Variants in SOAT1 observed in about 807,000 individuals in gnomAD.
SOAT1 encodes sterol O-acyltransferase 1.
A neutral mutation model predicts 69.5 loss-of-function variants in SOAT1; 55 were observed. The ratio of observed to expected loss-of-function variants is 0.79; its 90% CI spans 0.64 to 0.99. The LOEUF is 0.99. Ranked by LOEUF, SOAT1 falls within the 50% of genes least tolerant of loss-of-function variation. SOAT1 has a pLI of 0.00. For synonymous variants in SOAT1, 231 were observed against 224.7 expected, an observed-to-expected ratio of 1.03 and a Z score of -0.25; for missense variants, 580 against 669.3, an observed-to-expected ratio of 0.87 and a Z score of 1.47.
intron 12 of SOAT1, among the ~76,000 whole-genome samples, 165 bp downstream of exon 12, chr1:179,347,862 A>G (rs770347695): frequency 2.6e-5 from 4 of 152,218 alleles, no homozygotes; most frequent in Non-Finnish European, 4.4e-5. Context: ...GGTTACAGAT[A>G]TAACTAGCAT....
chr1:179,321,301 G>T (rs2484447), intron 2 of SOAT1, among the ~76,000 whole-genome samples: 149,705 of 152,194 alleles, frequency 0.98, 73,680 homozygotes, highest in Middle Eastern at 1. Context: ...CGTTGGCATA[G>T]ATCCTCTGAG....
chr1:179,338,502 C>T lies in SOAT1; in HGVS notation c.389+606C>T, dbSNP rs566978762. On this transcript the variant is annotated intron_variant, in intron 5 of 15. Transcript: ENST00000367619. The stretch of plus-strand genomic sequence containing the variant: ...TTTCTGTGAGTCAAGTTGATGTTTA[C>T]TACTTCCCCTAGATAAGAAGGCCGG... 2.6e-5 allele frequency among the ~76,000 whole-genome samples: 4 copies of T among 152,278 alleles called. No individual in the cohort carries two copies. In the South Asian group the frequency reaches 8.3e-4, roughly 32 times the overall value.
rs1666358907 is a variant in SOAT1, at chr1:179,342,127, T to C, written c.794T>C (p.Met265Thr). The C allele has an allele frequency of 3.1e-6, 5 of 1,613,746 alleles. No individual in the cohort carries two copies. The highest frequency in any genetic ancestry group is 1.7e-5 in the Admixed American group (1 of 59,990). The change falls in exon 8 of 16, where the codon ATG (methionine) becomes ACG (threonine). Residue 265 changes from methionine (M) to threonine (T), a missense_variant. Coordinates refer to ENST00000367619, the MANE Select transcript of SOAT1 (RefSeq NM_003101.6). ...CTGCTTTTGTAGATTCGTTTTGTAA[T>C]GAAGGCCCACTCATTTGTCAGAGAG... is the stretch of plus-strand genomic sequence containing the variant. ...IIIFEQIRFV[M>T]KAHSFVRENV...
chr1:179,338,391 C>G (rs1666228541), intron 5 of SOAT1, among the ~76,000 whole-genome samples: 2 of 152,214 alleles, frequency 1.3e-5, no homozygotes, highest in South Asian at 4.1e-4. Context: ...CCCAGCAACT[C>G]CAGCCTGGGT....
In SOAT1 at chr1:179,355,031, C is replaced by G. The variant is rs1421460213; in HGVS notation, c.*1390C>G. On this transcript the variant is annotated 3_prime_UTR_variant, in exon 16 of 16. Coordinates refer to ENST00000367619, the MANE Select transcript of SOAT1 (RefSeq NM_003101.6). ...AAGTAGAGTTTCTTAATAGTCACAA[C>G]TTAATTTGAACCACAAGTATCCAGC... The G allele has an allele frequency of 2.0e-5, 3 of 152,170 alleles. No homozygotes were observed. Among genetic ancestry groups the G allele is most frequent in the African/African-American group, 7.2e-5 (3 of 41,438 alleles). 9.4% of individuals were successfully genotyped at this position (152,170 alleles called of 1,614,324 possible). A position where few individuals can be genotyped will look rare whatever the true frequency, so the allele number is the denominator to read the frequency against.
chr1:179,299,156 G>A (rs994347881), intron 1 of SOAT1, among the ~76,000 whole-genome samples: 7 of 152,174 alleles, frequency 4.6e-5, no homozygotes, highest in African/African-American at 7.2e-5. Flanking sequence ...AGAGGTGGTG[G>A]TAAAGGAAAC....
At chr1:179,347,044 A>G (rs2125000145) in intron 11 of SOAT1, among the ~76,000 whole-genome samples, 1 of 152,196 alleles carries the variant, frequency 6.6e-6, no homozygotes, top group African/African-American at 2.4e-5. Flanking sequence ...GTTAAGCCAT[A>G]TATTTAGGCA....
chr1:179,315,976 G>A (rs1238741598), intron 2 of SOAT1, among the ~76,000 whole-genome samples: 2 of 152,138 alleles, frequency 1.3e-5, no homozygotes, highest in African/African-American at 2.4e-5. Context: ...AAATCAAATG[G>A]ACATTTGTCT....
chr1:179,338,061 T>C (rs1009191645), intron 5 of SOAT1, among the ~76,000 whole-genome samples, 165 bp downstream of exon 5: 15 of 152,166 alleles, frequency 9.9e-5, no homozygotes, highest in Non-Finnish European at 2.1e-4. Context: ...CTTTTGGTTC[T>C]GTATCTAGTT....
intron 1 of SOAT1, among the ~76,000 whole-genome samples, chr1:179,302,044 ATACT>A (rs1170500953): frequency 2.1e-5 from 3 of 141,748 alleles, no homozygotes; most frequent in East Asian, 2.0e-4. Context: ...TTTTTTTTAC[ATACT>A]TAATGCTTTG....
chr1:179,302,634 GA>G (rs749935162), intron 1 of SOAT1, 42 bp from the exon 2 acceptor site: 2 of 1,304,916 alleles, frequency 1.5e-6, no homozygotes, highest in Non-Finnish European at 2.1e-6. Context: ...ATAGCAGTGT[GA>G]AAACGGACTA....
intron 1 of SOAT1, among the ~76,000 whole-genome samples, chr1:179,298,560 G>A (rs1379060903): frequency 6.6e-6 from 1 of 151,532 alleles, no homozygotes; most frequent in Non-Finnish European, 1.5e-5. Context: ...TTCGCCTCCT[G>A]GGTTCAAGTG....
chr1:179,301,954 T>TA (rs1396463136), intron 1 of SOAT1, among the ~76,000 whole-genome samples: 6 of 152,200 alleles, frequency 3.9e-5, no homozygotes, highest in African/African-American at 1.4e-4. Context: ...GTATTGTTTT[T>TA]ACCATTGACT....
chr1:179,310,565 T>C (rs1246854930), intron 2 of SOAT1, among the ~76,000 whole-genome samples: 1 of 152,214 alleles, frequency 6.6e-6, no homozygotes, highest in Non-Finnish European at 1.5e-5. Flanking sequence ...TACTATCTTA[T>C]CTTCCCTTTT....
rs1275305355 is a variant in SOAT1, at chr1:179,345,164, CT to C, written c.1117+93del. On this transcript the variant is annotated intron_variant, in intron 11 of 15. Coordinates refer to ENST00000367619, the MANE Select transcript of SOAT1 (RefSeq NM_003101.6). Reference sequence around the variant, plus strand: ...CCTATGAGCACCTTTGCTTTGCCTACTTTTTCATCTAAACTTCTATACATCT... The same window carrying C: ...CCTATGAGCACCTTTGCTTTGCCTACTTTTCATCTAAACTTCTATACATCT... The C allele has an allele frequency of 1.9e-4, 254 of 1,323,082 alleles. 1 individual carries two copies. The highest frequency in any genetic ancestry group is 2.6e-4 in the Non-Finnish European group (240 of 938,030). The allele number at this position is 1,323,082 out of a possible 1,614,324, so 82.0% of individuals were successfully genotyped here.
intron 2 of SOAT1, among the ~76,000 whole-genome samples, chr1:179,321,113 AC>A (rs757884530): frequency 4.0e-5 from 6 of 151,798 alleles, no homozygotes; most frequent in Non-Finnish European, 8.8e-5. Context: ...TGCCATGTTG[AC>A]CAGGCTGGTC....
intron 15 of SOAT1, among the ~76,000 whole-genome samples, chr1:179,353,275 G>T (rs1666810451): frequency 2.7e-5 from 2 of 73,786 alleles, no homozygotes; most frequent in South Asian, 1.0e-3. Flanking sequence ...TAAAAGTAGG[G>T]CTGTGCTAAA....
At chr1:179,346,226 C>A (rs370852720) in intron 11 of SOAT1, among the ~76,000 whole-genome samples, 12 of 152,258 alleles carry the variant, frequency 7.9e-5, no homozygotes, top group African/African-American at 2.9e-4. Context: ...TCCTCACTAG[C>A]TGCAAAGTTA....
intron 8 of SOAT1, 63 bp from the exon 9 acceptor site, chr1:179,342,799 C>T: frequency 8.8e-7 from 1 of 1,137,038 alleles, no homozygotes; most frequent in Non-Finnish European, 1.3e-6. Flanking sequence ...TTATATTCCC[C>T]CCTGTATTTT....
Sources: allele counts gnomAD v4.1 joint callset (sites outside exome capture counted in the v4.1 genomes callset), GRCh38; gene constraint gnomAD v4.1.1; transcripts MANE v1.5; gene names NCBI Gene and HGNC (gene_info 2026-07-23, HGNC 2026-07-21).